CCDC50: variants seen among roughly 807,000 people sequenced by gnomAD.
CCDC50 encodes the protein coiled-coil domain containing 50.
In CCDC50, 54 loss-of-function variants were observed where a neutral mutation model predicts 70.2. The ratio of observed to expected loss-of-function variants is 0.77; its 90% CI spans 0.62 to 0.96. The LOEUF (loss-of-function observed/expected upper bound fraction) is 0.96. Ranked by LOEUF, CCDC50 falls within the 50% of genes least tolerant of loss-of-function variation. CCDC50 has a pLI of 0.00. For synonymous variants in CCDC50, 216 were observed against 198.8 expected (o/e 1.09, Z -0.73); for missense variants, 558 against 578.7 (o/e 0.96, Z 0.37).
At chr3:191,371,804 T>G (rs1304305393) in intron 5 of CCDC50, among the ~76,000 whole-genome samples, 2 of 152,336 alleles carry the variant, frequency 1.3e-5, no homozygotes, top group East Asian at 1.9e-4. Flanking sequence ...CTGATGAATC[T>G]ATATGTTATG....
At chr3:191,381,954 A>G (rs1713335365) in intron 9 of CCDC50, among the ~76,000 whole-genome samples, 1 of 152,168 alleles carries the variant, frequency 6.6e-6, no homozygotes, top group South Asian at 2.1e-4. Context: ...AGTTAGTCTC[A>G]AAACAATGAA....
chr3:191,381,168 C>T (rs1326377184), intron 9 of CCDC50, among the ~76,000 whole-genome samples: 2 of 152,016 alleles, frequency 1.3e-5, no homozygotes, highest in African/African-American at 2.4e-5. Context: ...CCCTTTAAGA[C>T]GGAGTGAAAT....
In CCDC50 at chr3:191,375,429, A is replaced by T; in HGVS notation, c.816A>T (p.Gln272His). Reference sequence around the variant, plus strand: ...ATTGGGAAAAACAGTCTCGACACCAAGATCGACTTTCACCCAAGTCCTCAC... The same window carrying T: ...ATTGGGAAAAACAGTCTCGACACCATGATCGACTTTCACCCAAGTCCTCAC... ...TRNWEKQSRHQDRLSPKSSQK... is the reference protein window; with the variant it reads ...TRNWEKQSRHHDRLSPKSSQK... Residue 272 changes from glutamine (Q) to histidine (H), a missense_variant, in exon 6 of 12, where the codon CAA becomes CAT. Transcript: ENST00000392455. 1.2e-6 allele frequency: 2 copies of T among 1,613,824 alleles called. No homozygotes were observed. The highest frequency in any genetic ancestry group is 1.7e-6 in the Non-Finnish European group (2 of 1,179,870).
At chr3:191,385,755 G>A (rs770761185) in intron 10 of CCDC50, among the ~76,000 whole-genome samples, 3 of 151,906 alleles carry the variant, frequency 2.0e-5, no homozygotes, top group Non-Finnish European at 2.9e-5. Flanking sequence ...TCTTTCCTAG[G>A]TTTTCTTCTA....
At chr3:191,389,692 T>A in intron 11 of CCDC50, 90 bp downstream of exon 11, 1 of 969,086 alleles carries the variant, frequency 1.0e-6, no homozygotes, top group Non-Finnish European at 1.7e-6. Flanking sequence ...TGTGTTCCAC[T>A]AGAGTGGAAA....
chr3:191,341,658 T>C (rs1406817717), intron 1 of CCDC50, among the ~76,000 whole-genome samples: 4 of 152,194 alleles, frequency 2.6e-5, no homozygotes, highest in African/African-American at 7.2e-5. Context: ...TTGTTGGGAA[T>C]AGAGAACTAT....
intron 11 of CCDC50, among the ~76,000 whole-genome samples, chr3:191,391,219 TTAAA>T (rs1462209827): frequency 6.6e-6 from 1 of 152,204 alleles, no homozygotes; most frequent in African/African-American, 2.4e-5. Flanking sequence ...CCAAATATCT[TTAAA>T]TAACATTTTC....
intron 10 of CCDC50, among the ~76,000 whole-genome samples, chr3:191,388,355 T>G (rs1713567485): frequency 6.6e-6 from 1 of 152,176 alleles, no homozygotes; most frequent in South Asian, 2.1e-4. Context: ...CAGTTGAGTT[T>G]GAGCCCTGGG....
chr3:191,394,051 T>C lies in CCDC50; in HGVS notation c.*2291T>C, dbSNP rs186077533. 23 of 152,262 alleles carry C rather than the reference T, an allele frequency of 1.5e-4. No homozygotes were observed. The highest frequency in any genetic ancestry group is 2.6e-4 in the Non-Finnish European group (18 of 67,980). 9.4% of individuals were successfully genotyped at this position (152,262 alleles called of 1,614,324 possible). A position where few individuals can be genotyped will look rare whatever the true frequency, so the allele number is the denominator to read the frequency against. On this transcript the variant is annotated 3_prime_UTR_variant, in exon 12 of 12. Coordinates refer to ENST00000392455, the MANE Select transcript of CCDC50 (RefSeq NM_178335.3). ...ATTATTGTAAAATGTTAACTGGAGA[T>C]ACTGCATTCAAAAAAAAGTCGGACC...
At chr3:191,348,313 TTC>T (rs1353431633) in intron 1 of CCDC50, among the ~76,000 whole-genome samples, 2 of 141,904 alleles carry the variant, frequency 1.4e-5, no homozygotes, top group Non-Finnish European at 3.2e-5. Flanking sequence ...GCCTCTCCCA[TTC>T]TCTGTGTTTC....
intron 5 of CCDC50, chr3:191,370,287 A>G (rs1366374702): frequency 1.1e-5 from 4 of 374,008 alleles, no homozygotes; most frequent in African/African-American, 4.2e-5. Flanking sequence ...ATATAGATAC[A>G]TGTGCCATGT....
chr3:191,352,497 CTA>C (rs1428478744), intron 1 of CCDC50, among the ~76,000 whole-genome samples: 1 of 142,154 alleles, frequency 7.0e-6, no homozygotes, highest in Non-Finnish European at 1.6e-5. Context: ...TTTGGACAAA[CTA>C]TGTGTTTTAC....
In CCDC50 at chr3:191,357,107, C is replaced by G. The variant is rs1244549912; in HGVS notation, c.69C>G (p.Val23=). Residue 23 remains valine, a synonymous_variant, in exon 2 of 12, where the codon GTC becomes GTG. Coordinates refer to ENST00000392455, the MANE Select transcript of CCDC50 (RefSeq NM_178335.3). Reference sequence around the variant, plus strand: ...CTCTAGTATGCCGAGATTTTGCTGTCCTGGAGGACCACACCCTGGCTCACA... The same window carrying G: ...CTCTAGTATGCCGAGATTTTGCTGTGCTGGAGGACCACACCCTGGCTCACA... The part of the protein sequence containing the change: ...GVKEVCRDFA[V]LEDHTLAHSL... The G allele has an allele frequency of 2.5e-6, 4 of 1,612,950 alleles. No homozygotes were observed. The African/African-American group carries it at 4.0e-5, about 16-fold the overall frequency.
chr3:191,366,039 A>C (rs1423193873), intron 4 of CCDC50, among the ~76,000 whole-genome samples: 1 of 152,032 alleles, frequency 6.6e-6, no homozygotes, highest in African/African-American at 2.4e-5. Flanking sequence ...AGCCAACACC[A>C]TGTTTCAGTT....
chr3:191,376,725 A>G (rs1713125978), intron 6 of CCDC50, among the ~76,000 whole-genome samples: 2 of 152,166 alleles, frequency 1.3e-5, no homozygotes, highest in East Asian at 1.9e-4. Context: ...TTTGTAAACA[A>G]TTCCAAACTA....
Position 191,361,094 on chromosome 3 carries a change from C to T in CCDC50, c.265C>T (p.Gln89Ter). Residue 89 changes from glutamine (Q) to a stop codon, truncating the protein, a stop_gained, in exon 4 of 12, where the codon CAG becomes TAG. Transcript: ENST00000392455. LOFTEE classifies it high-confidence loss of function. The stretch of plus-strand genomic sequence containing the variant: ...TGAACAACAAGACTGTGAAATTGCT[C>T]AGGAAATTCAGGAGAAGCTGGCTAT... ...DLEQQDCEIAQEIQEKLAIEA... is the reference protein window; with the variant it reads ...DLEQQDCEIA The T allele has an allele frequency of 6.2e-7, 1 of 1,613,612 alleles. No homozygotes were observed. The highest frequency in any genetic ancestry group is 8.5e-7 in the Non-Finnish European group (1 of 1,179,676).
intron 4 of CCDC50, among the ~76,000 whole-genome samples, chr3:191,364,623 T>C (rs1712617373): frequency 6.6e-6 from 1 of 152,072 alleles, no homozygotes; most frequent in Non-Finnish European, 1.5e-5. Context: ...AACAACATTG[T>C]GTGTCAGATG....
Position 191,389,531 on chromosome 3 carries a change from C to T in CCDC50, c.1358C>T (p.Ala453Val), listed in dbSNP as rs372154907. The T allele has an allele frequency of 1.5e-5, 24 of 1,613,882 alleles. No homozygotes were observed. Among genetic ancestry groups the T allele is most frequent in the Admixed American group, 1.0e-4 (6 of 59,996 alleles). ...PPPIMTDGED[A>V]DYTHFTNQQS... ...CCTATCATGACAGATGGTGAAGATG[C>T]GGATTACACTCATTTTACAAACCAG... The change falls in exon 11 of 12, where the codon GCG becomes GTG. Residue 453 changes from alanine to valine, a missense_variant. Ala to Val is a moderately conservative substitution (Grantham distance 64, BLOSUM62 0). Transcript: ENST00000392455.
chr3:191,373,842 A>G (rs1338289600), intron 5 of CCDC50, among the ~76,000 whole-genome samples: 5 of 152,170 alleles, frequency 3.3e-5, no homozygotes, highest in Non-Finnish European at 5.9e-5. Flanking sequence ...AGAGGAAACA[A>G]TTTGAGGTTT....
Sources: gnomAD v4.1 joint callset for allele counts (sites outside exome capture counted in the v4.1 genomes callset) on GRCh38, gnomAD v4.1.1 for gene constraint, MANE v1.5 for transcripts, NCBI Gene and HGNC (gene_info 2026-07-23, HGNC 2026-07-21) for gene names.